The following MEIG1 variants were observed in gnomAD, a reference collection of about 807,000 sequenced individuals.
The protein encoded by MEIG1 is meiosis expressed gene 1 protein homolog.
A neutral mutation model predicts 11.3 loss-of-function variants in MEIG1; 12 were observed. The observed-to-expected ratio is 1.07, with a 90% CI of 0.68 to 1.73. The LOEUF is 1.73. Ranked by LOEUF, MEIG1 falls within the 40% of genes most tolerant of loss-of-function variation. The probability of loss-of-function intolerance (pLI) is 0.00; values close to 1 mark genes in which losing one functional copy is unlikely to be tolerated. For missense variants in MEIG1, 119 were observed against 104.9 expected, an observed-to-expected ratio of 1.13 and a Z score of -0.59; for synonymous variants, 41 against 33.2, an observed-to-expected ratio of 1.24 and a Z score of -0.81.
chr10:14,964,440 A>G (rs956874645), intron 1 of MEIG1, among the ~76,000 whole-genome samples: 5 of 151,840 alleles, frequency 3.3e-5, no homozygotes, highest in Non-Finnish European at 5.9e-5. Context: ...CCTTTTAAAT[A>G]AAACTTTTAA....
At chr10:14,976,537 C>T (rs1390357007), downstream of MEIG1, among the ~76,000 whole-genome samples, 8 of 151,942 alleles carry the variant, frequency 5.3e-5, no homozygotes, top group South Asian at 2.1e-4. Context: ...TGTCAAATCA[C>T]TCGTATTATC....
At chr10:14,977,548 A>G (rs1843222099), downstream of MEIG1, among the ~76,000 whole-genome samples, 4 of 151,880 alleles carry the variant, frequency 2.6e-5, no homozygotes, top group Admixed American at 2.0e-4. Flanking sequence ...GTAATCTTAT[A>G]GAGAGATATT....
At chr10:14,976,642 G>T (rs989019270), downstream of MEIG1, among the ~76,000 whole-genome samples, 23 of 152,060 alleles carry the variant, frequency 1.5e-4, no homozygotes, top group African/African-American at 3.6e-4. Flanking sequence ...GTCACAGAGG[G>T]TGTACACCTT....
At chr10:14,978,881 C>T (rs1372712548) in intron 1 of MEIG1, among the ~76,000 whole-genome samples, 1 of 151,966 alleles carries the variant, frequency 6.6e-6, no homozygotes, top group Non-Finnish European at 1.5e-5. Flanking sequence ...GGGTGCACAC[C>T]AAATGATATT....
downstream of MEIG1, among the ~76,000 whole-genome samples, chr10:14,973,023 A>C (rs2131275506): frequency 6.6e-6 from 1 of 152,082 alleles, no homozygotes; most frequent in African/African-American, 2.4e-5. Context: ...GCACTACCAT[A>C]CCCATCTAAT....
intron 1 of MEIG1, chr10:14,986,791 C>T (rs117752341): frequency 0.055 from 18,849 of 342,734 alleles, 616 homozygotes; most frequent in Admixed American, 0.09. Context: ...TTGTTTTTTC[C>T]GTAGAGACGG....
intron 1 of MEIG1, among the ~76,000 whole-genome samples, chr10:14,983,502 G>A (rs1003529960): frequency 2.0e-4 from 30 of 152,062 alleles, no homozygotes; most frequent in Non-Finnish European, 3.2e-4. Flanking sequence ...TATCCATGGA[G>A]AGGAGAGGCT....
chr10:14,954,373 G>A, the MEIG1 span: 1 of 374,630 alleles, frequency 2.7e-6, no homozygotes, highest in Non-Finnish European at 5.1e-6. Context: ...AGAGCAGGTG[G>A]CCCCAGCCGA....
chr10:14,980,983 C>A (rs536785793), intron 1 of MEIG1, among the ~76,000 whole-genome samples: 179 of 152,212 alleles, frequency 1.2e-3, no homozygotes, highest in African/African-American at 4.2e-3. Context: ...AAATCCTGTC[C>A]CGGCCTGTAG....
chr10:14,971,373 A>G (rs1843148876), intron 2 of MEIG1, among the ~76,000 whole-genome samples: 1 of 151,876 alleles, frequency 6.6e-6, no homozygotes, highest in African/African-American at 2.4e-5. Flanking sequence ...TCTACAAAAA[A>G]AAAAAAGAAA....
chr10:14,966,088 G>GAGTC (rs1333436469), intron 1 of MEIG1, among the ~76,000 whole-genome samples: 2 of 27,350 alleles, frequency 7.3e-5, no homozygotes, highest in Non-Finnish European at 1.9e-4. Context: ...TTTTGAGATG[G>GAGTC]AGTCTTGCTC....
At chr10:14,955,120 C>A (rs549594980), upstream of MEIG1, among the ~76,000 whole-genome samples, 9 of 152,174 alleles carry the variant, frequency 5.9e-5, no homozygotes, top group African/African-American at 1.9e-4. Flanking sequence ...TTAGCAGAGA[C>A]GGGGTTTCAC....
intron 1 of MEIG1, among the ~76,000 whole-genome samples, chr10:14,983,370 G>T (rs12247037): frequency 6.6e-6 from 1 of 151,610 alleles, no homozygotes; most frequent in Non-Finnish European, 1.5e-5. Flanking sequence ...GATATTACTC[G>T]CAATATCGCA....
At chr10:14,985,284 G>A (rs540020311) in intron 1 of MEIG1, among the ~76,000 whole-genome samples, 4 of 151,930 alleles carry the variant, frequency 2.6e-5, no homozygotes, top group South Asian at 2.1e-4. Context: ...GATATGACTC[G>A]TCATATCCTG....
intron 1 of MEIG1, among the ~76,000 whole-genome samples, chr10:14,979,126 G>A (rs1030058290): frequency 2.0e-5 from 3 of 151,982 alleles, no homozygotes; most frequent in African/African-American, 7.3e-5. Context: ...GTCACATGGG[G>A]TGTACTCCCT....
upstream of MEIG1, among the ~76,000 whole-genome samples, chr10:14,958,287 G>A (rs957021560): frequency 6.6e-6 from 1 of 152,154 alleles, no homozygotes; most frequent in African/African-American, 2.4e-5. Flanking sequence ...GAGAAATTTG[G>A]GAGTTGTAAG....
intron 2 of MEIG1, 129 bp downstream of exon 2, chr10:14,966,735 T>A: frequency 3.4e-6 from 3 of 876,060 alleles, no homozygotes; most frequent in Non-Finnish European, 5.2e-6. Flanking sequence ...TTGTTTTCTT[T>A]TATTTACTTT....
chr10:14,987,123 A>C (rs1843326257), intron 2 of MEIG1: 3 of 811,726 alleles, frequency 3.7e-6, no homozygotes, highest in Non-Finnish European at 5.8e-6. Context: ...AAAAGGACCA[A>C]GAAAGACATC....
At chr10:14,984,220 C>T (rs1843294772) in intron 1 of MEIG1, among the ~76,000 whole-genome samples, 1 of 148,114 alleles carries the variant, frequency 6.8e-6, no homozygotes, top group Non-Finnish European at 1.5e-5. Context: ...GGAGCCCACC[C>T]CCCTGCGATG....
Sources: gnomAD v4.1 joint callset for allele counts (sites outside exome capture counted in the v4.1 genomes callset) on GRCh38, gnomAD v4.1.1 for gene constraint, MANE v1.5 for transcripts, NCBI Gene and HGNC (gene_info 2026-07-23, HGNC 2026-07-21) for gene names.